The following GLYAT variants were observed in gnomAD, a reference collection of about 807,000 sequenced individuals.
The protein encoded by GLYAT is glycine-N-acyltransferase.
A neutral mutation model predicts 22.8 loss-of-function variants in GLYAT; 25 were observed. The observed-to-expected ratio is 1.09, with a 90% CI of 0.80 to 1.53. The LOEUF is 1.53. GLYAT is among the 40% of genes most tolerant of loss of function. The pLI, the probability that GLYAT is intolerant of heterozygous loss-of-function variation, is 0.00. For synonymous variants in GLYAT, 140 were observed against 122.7 expected, an observed-to-expected ratio of 1.14 and a Z score of -0.93; for missense variants, 411 against 353.9, an observed-to-expected ratio of 1.16 and a Z score of -1.29.
intron 3 of GLYAT, among the ~76,000 whole-genome samples, chr11:58,713,832 T>A (rs1856646032): frequency 6.6e-6 from 1 of 152,034 alleles, no homozygotes; most frequent in Admixed American, 6.6e-5. Flanking sequence ...TAATAAAAGA[T>A]CAAATAATTT....
intron 4 of GLYAT, among the ~76,000 whole-genome samples, 184 bp from the exon 5 acceptor site, chr11:58,710,945 C>T (rs1379409295): frequency 6.6e-6 from 1 of 152,124 alleles, no homozygotes; most frequent in South Asian, 2.1e-4. Flanking sequence ...AAAAGACTTC[C>T]CTCCCCATCT....
intron 4 of GLYAT, 58 bp downstream of exon 4, chr11:58,712,702 T>G: frequency 1.3e-6 from 2 of 1,517,796 alleles, no homozygotes; most frequent in Non-Finnish European, 1.8e-6. Context: ...ATAAGTCATA[T>G]GAAAACTTGC....
intron 1 of GLYAT, among the ~76,000 whole-genome samples, chr11:58,725,700 G>T (rs751728444): frequency 1.6e-4 from 24 of 151,856 alleles, no homozygotes; most frequent in Non-Finnish European, 2.9e-4. Flanking sequence ...GGGAAAAGAA[G>T]TAAAGTGCAT....
rs189302894 is a variant in GLYAT, at chr11:58,725,622, G to A, written c.-15-1111C>T. On this transcript the variant is annotated intron_variant, in intron 1 of 5. Coordinates refer to ENST00000344743, the MANE Select transcript of GLYAT (RefSeq NM_201648.3). The stretch of plus-strand genomic sequence containing the variant: ...GAAAGAATTTGACTGAGGGGCAGAA[G>A]GCAGAAGGAGAGACCAAGGCAAGTT... Among the ~76,000 whole-genome samples the A allele has an allele frequency of 3.1e-3, 466 of 152,248 alleles. 5 individuals are homozygous for A. The highest frequency in any genetic ancestry group is 0.02 in the Middle Eastern group (6 of 294).
chr11:58,709,789 G>A lies in GLYAT; in HGVS notation c.868C>T (p.Gln290Ter). 6.2e-7 allele frequency: 1 copy of A among 1,612,492 alleles called. No individual in the cohort carries two copies. The highest frequency in any genetic ancestry group is 1.1e-5 in the South Asian group (1 of 90,754). Residue 290 changes from glutamine (Q) to a stop codon, truncating the protein, a stop_gained, in exon 6 of 6, where the codon CAG becomes TAG. Coordinates refer to ENST00000344743, the MANE Select transcript of GLYAT (RefSeq NM_201648.3). LOFTEE classifies it high-confidence loss of function. ...QHVPIPRSWN[Q>*]WNCVPL ...CATCACAGAGGTACACAGTTCCACT[G>A]GTTCCAGCTTCTGGGAATGGGAACA...
chr11:58,712,664 G>A lies in GLYAT; in HGVS notation c.316+96C>T. On this transcript the variant is annotated intron_variant, in intron 4 of 5. Transcript: ENST00000344743. ...ACAGTAACAAAATTGACAGCAGGCT[G>A]GGAGTCTGGAGCTTGGAGGAAGGAG... 2 of 1,031,242 alleles carry A rather than the reference G, an allele frequency of 1.9e-6. 1 individual carries two copies. 63.9% of individuals were successfully genotyped at this position (1,031,242 alleles called of 1,614,324 possible).
Position 58,712,880 on chromosome 11 carries a change from T to C in GLYAT, c.196A>G (p.Thr66Ala). 6.3e-7 allele frequency: 1 copy of C among 1,594,636 alleles called. No homozygotes were observed. The highest frequency in any genetic ancestry group is 8.6e-7 in the Non-Finnish European group (1 of 1,163,560). ...TTGGTATAGTGATCAAGGTCATCTG[T>C]CATATCCTGTTATCATTAGGAAAAA... ...VVVCPQEQDM[T>A]DDLDHYTNTY... is the part of the protein sequence containing the mutation. The change falls in exon 4 of 6, where the codon ACA becomes GCA. Residue 66 changes from threonine to alanine, a missense_variant. Physicochemically the swap from Thr to Ala is moderately conservative, Grantham distance 58. Coordinates refer to ENST00000344743, the MANE Select transcript of GLYAT (RefSeq NM_201648.3).
chr11:58,716,278 G>A (rs1336393488), intron 2 of GLYAT, among the ~76,000 whole-genome samples: 1 of 152,046 alleles, frequency 6.6e-6, no homozygotes, highest in Non-Finnish European at 1.5e-5. Flanking sequence ...TGAACATGAA[G>A]TTTCAGCTGA....
rs111310408 is a variant in GLYAT at position 58,715,434 on chromosome 11, C to T, written c.82-11G>A. 14 of 1,248,926 alleles carry T rather than the reference C, an allele frequency of 1.1e-5. No individual in the cohort carries two copies. In the African/African-American group the frequency reaches 1.7e-4, roughly 15 times the overall value. The allele number at this position is 1,248,926 out of a possible 1,614,324, so 77.4% of individuals were successfully genotyped here. A position where few individuals can be genotyped will look rare whatever the true frequency, so the allele number is the denominator to read the frequency against. ...GACAGTTCCATAAACCTGCAGGATC[C>T]CAAGAAATTGACAGGGTTGGTTTAT... On this transcript the variant is annotated splice_polypyrimidine_tract_variant and intron_variant, in intron 2 of 5. Coordinates refer to ENST00000344743, the MANE Select transcript of GLYAT (RefSeq NM_201648.3).
chr11:58,710,564 T>A (rs889251427), intron 5 of GLYAT, 26 bp downstream of exon 5: 1 of 1,539,820 alleles, frequency 6.5e-7, no homozygotes, highest in African/African-American at 1.4e-5. Context: ...GTGTGAGTGG[T>A]ATAGACTGGA....
chr11:58,725,579 A>G lies in GLYAT; in HGVS notation c.-15-1068T>C, dbSNP rs961479517. Among the ~76,000 whole-genome samples the G allele has an allele frequency of 3.3e-5, 5 of 152,158 alleles. No homozygotes were observed. In the East Asian group the frequency reaches 7.7e-4, roughly 23 times the overall value. On this transcript the variant is annotated intron_variant, in intron 1 of 5. Transcript: ENST00000344743. ...TCTGTACAGGTCTGTAGCATCCTCA[A>G]TTCTTGCCTCCTCAACAGAAAGAAT... is the stretch of plus-strand genomic sequence containing the variant.
intron 2 of GLYAT, among the ~76,000 whole-genome samples, chr11:58,717,757 T>C (rs1298797902): frequency 2.0e-5 from 3 of 152,076 alleles, no homozygotes; most frequent in Non-Finnish European, 4.4e-5. Context: ...AAACAAATTA[T>C]GGTAGGACTG....
chr11:58,727,271 T>A (rs1856820797), intron 1 of GLYAT, among the ~76,000 whole-genome samples: 1 of 152,152 alleles, frequency 6.6e-6, no homozygotes, highest in African/African-American at 2.4e-5. Context: ...GGAGCTCTTA[T>A]CTTTGCTGCT....
intron 2 of GLYAT, 138 bp from the exon 3 acceptor site, chr11:58,715,561 C>A: frequency 1.7e-6 from 1 of 594,452 alleles, no homozygotes; most frequent in South Asian, 2.1e-5. Flanking sequence ...GAATCTAAGT[C>A]AAAGAATCTC....
chr11:58,728,870 GA>G (rs1256084493), intron 1 of GLYAT: 1 of 100,968 alleles, frequency 9.9e-6, no homozygotes, highest in African/African-American at 4.2e-5. Flanking sequence ...AAGAAAGAAA[GA>G]AAGAAAGAAA....
intron 2 of GLYAT, among the ~76,000 whole-genome samples, chr11:58,719,979 C>T (rs934575592): frequency 6.6e-6 from 1 of 151,892 alleles, no homozygotes; most frequent in Non-Finnish European, 1.5e-5. Flanking sequence ...CTTTTTTAAA[C>T]AACCACTTAT....
rs941262424 is a variant in GLYAT at position 58,710,722 on chromosome 11, G to A, written c.356C>T (p.Ala119Val). Reference sequence around the variant, plus strand: ...TTTGACTTTGAAGGACTTAATGGCTGCAAGATTTTGTATAGCCTCATTCAG... The same window carrying A: ...TTTGACTTTGAAGGACTTAATGGCTACAAGATTTTGTATAGCCTCATTCAG... ...PSLNEAIQNL[A>V]AIKSFKVKQT... is the part of the protein sequence containing the mutation. The change falls in exon 5 of 6, where the codon GCA becomes GTA. Residue 119 changes from alanine to valine, a missense_variant. By Grantham distance (64) the Ala-to-Val change is moderately conservative. Coordinates refer to ENST00000344743, the MANE Select transcript of GLYAT (RefSeq NM_201648.3). 5 of 1,612,398 alleles carry A rather than the reference G, an allele frequency of 3.1e-6. No homozygotes were observed. In the Admixed American group the frequency reaches 8.3e-5, roughly 27 times the overall value.
intron 3 of GLYAT, among the ~76,000 whole-genome samples, chr11:58,714,184 T>C (rs1403616934): frequency 1.3e-5 from 2 of 152,214 alleles, no homozygotes; most frequent in African/African-American, 4.8e-5. Flanking sequence ...ATTGGGTAGT[T>C]GTTAGTCAAA....
chr11:58,716,555 A>C (rs1346708432), intron 2 of GLYAT, among the ~76,000 whole-genome samples: 4 of 152,130 alleles, frequency 2.6e-5, no homozygotes, highest in Non-Finnish European at 5.9e-5. Flanking sequence ...ACATTTTTAC[A>C]CATTTGTACC....
Sources: allele counts gnomAD v4.1 joint callset (sites outside exome capture counted in the v4.1 genomes callset), GRCh38; gene constraint gnomAD v4.1.1; transcripts MANE v1.5; gene names NCBI Gene and HGNC (gene_info 2026-07-23, HGNC 2026-07-21).